Variants in HEXB observed in about 807,000 individuals in gnomAD.
HEXB encodes the protein beta-hexosaminidase subunit beta.
HEXB carries 51 observed loss-of-function variants against 71.2 expected under a neutral mutation model. The ratio of observed to expected loss-of-function variants is 0.72; its 90% CI spans 0.57 to 0.90. HEXB has a LOEUF of 0.90. HEXB is among the 40% of genes least tolerant of loss of function. HEXB has a pLI of 0.00. For missense variants in HEXB, 617 were observed against 677.0 expected, an observed-to-expected ratio of 0.91 and a Z score of 0.98; for synonymous variants, 266 against 249.3, an observed-to-expected ratio of 1.07 and a Z score of -0.63.
intron 1 of HEXB, among the ~76,000 whole-genome samples, chr5:74,672,294 A>C (rs1181706526): frequency 6.6e-6 from 1 of 152,208 alleles, no homozygotes; most frequent in Admixed American, 6.5e-5. Flanking sequence ...TAACCAGCAT[A>C]TCTTCAACAA....
chr5:74,689,840 G>T, intron 2 of HEXB: 1 of 203,870 alleles, frequency 4.9e-6, no homozygotes. Flanking sequence ...TGTGCTTCTT[G>T]TATTTTTGTT....
At chr5:74,644,383 G>C (rs1409323603) in intron 1 of HEXB, among the ~76,000 whole-genome samples, 4 of 152,210 alleles carry the variant, frequency 2.6e-5, no homozygotes, top group African/African-American at 4.8e-5. Context: ...AGCACACACA[G>C]AGGCTGGAGG....
Position 74,718,916 on chromosome 5 carries a change from T to A in HEXB, c.1362T>A (p.Ile454=), listed in dbSNP as rs552896059. The part of the protein sequence containing the change: ...ILSAPWYLDL[I]SYGQDWRKYY... The stretch of plus-strand genomic sequence containing the variant: ...CTGCTCCTTGGTACTTAGATTTGAT[T>A]AGCTATGGACAAGATTGGAGGAAAT... Residue 454 remains isoleucine (I), a synonymous_variant, in exon 11 of 14, where the codon ATT becomes ATA. Transcript: ENST00000261416. The A allele has an allele frequency of 5.6e-6, 9 of 1,614,100 alleles. No individual in the cohort carries two copies. Among genetic ancestry groups the A allele is most frequent in the Admixed American group, 5.0e-5 (3 of 60,014 alleles).
chr5:74,719,871 G>A (rs1561228583), intron 11 of HEXB: 1 of 157,066 alleles, frequency 6.4e-6, no homozygotes, highest in East Asian at 1.9e-4. Flanking sequence ...AACCCAGGAG[G>A]TGGAGGTTGC....
At chr5:74,683,045 T>A (rs1002937927), upstream of HEXB, among the ~76,000 whole-genome samples, 4 of 152,160 alleles carry the variant, frequency 2.6e-5, no homozygotes, top group Admixed American at 6.5e-5. Context: ...AAGGATATGA[T>A]CAACCTAATG....
chr5:74,643,615 C>T (rs753421818), intron 1 of HEXB, among the ~76,000 whole-genome samples: 1 of 152,278 alleles, frequency 6.6e-6, no homozygotes, highest in Non-Finnish European at 1.5e-5. Context: ...TGTTATCTCC[C>T]CTAACAATGT....
chr5:74,695,945 T>C (rs937512123), intron 3 of HEXB, among the ~76,000 whole-genome samples: 5 of 152,060 alleles, frequency 3.3e-5, no homozygotes, highest in African/African-American at 1.2e-4. Flanking sequence ...TTCAGAGTAA[T>C]GTACTCTAAA....
At chr5:74,688,260 A>AT (rs1310343860) in intron 1 of HEXB, among the ~76,000 whole-genome samples, 48 of 151,412 alleles carry the variant, frequency 3.2e-4, no homozygotes, top group Non-Finnish European at 6.5e-4. Context: ...TTAATATTTA[A>AT]TGCCTTTACA....
intron 3 of HEXB, among the ~76,000 whole-genome samples, chr5:74,695,708 G>A (rs1749097699): frequency 6.6e-6 from 1 of 151,152 alleles, no homozygotes; most frequent in African/African-American, 2.4e-5. Flanking sequence ...GGGCATGGTG[G>A]TGCACGCTTG....
chr5:74,703,214 A>G (rs11747101), intron 5 of HEXB, among the ~76,000 whole-genome samples: 15,972 of 152,272 alleles, frequency 0.1, 985 homozygotes, highest in East Asian at 0.14. Context: ...TGGCCTCCCA[A>G]AGTGCTGGGA....
intron 11 of HEXB, among the ~76,000 whole-genome samples, chr5:74,719,493 GT>G (rs1445721219): frequency 6.6e-6 from 1 of 152,132 alleles, no homozygotes; most frequent in Non-Finnish European, 1.5e-5. Flanking sequence ...AAACATTCTA[GT>G]TTGTCCAATT....
intron 1 of HEXB, among the ~76,000 whole-genome samples, chr5:74,650,590 G>T (rs1748083924): frequency 6.6e-6 from 1 of 152,118 alleles, no homozygotes. Flanking sequence ...GTGCCTCCAT[G>T]TGTAGTTACT....
intron 6 of HEXB, among the ~76,000 whole-genome samples, chr5:74,712,104 A>C (rs1368488220): frequency 2.4e-3 from 346 of 145,200 alleles, no homozygotes; most frequent in Non-Finnish European, 4.4e-3. Flanking sequence ...TGCAGCCATA[A>C]AAAATGATGA....
chr5:74,690,506 G>T (rs1220384174), intron 2 of HEXB, among the ~76,000 whole-genome samples: 6 of 151,888 alleles, frequency 4.0e-5, no homozygotes, highest in Admixed American at 3.9e-4. Context: ...CAAAAAGTTA[G>T]CCAAGCGTGT....
upstream of HEXB, among the ~76,000 whole-genome samples, chr5:74,682,052 G>A (rs1748747376): frequency 1.3e-5 from 2 of 152,214 alleles, no homozygotes. Flanking sequence ...AGCCATGCAA[G>A]TTAACTTAGA....
chr5:74,697,691 G>T (rs746823948), intron 5 of HEXB, among the ~76,000 whole-genome samples: 1 of 133,820 alleles, frequency 7.5e-6, no homozygotes, highest in Non-Finnish European at 1.5e-5. Context: ...TCGCACCACC[G>T]CACTCCAGCC....
At chr5:74,666,033 G>A (rs1228974232) in intron 1 of HEXB, among the ~76,000 whole-genome samples, 1 of 152,198 alleles carries the variant, frequency 6.6e-6, no homozygotes, top group African/African-American at 2.4e-5. Context: ...GAGTTGTACA[G>A]ATGCCAGATA....
chr5:74,700,472 T>C (rs2112148237), intron 5 of HEXB, among the ~76,000 whole-genome samples: 1 of 152,008 alleles, frequency 6.6e-6, no homozygotes, highest in African/African-American at 2.4e-5. Flanking sequence ...ATTTTTTATA[T>C]TTAAAAAAAA....
At chr5:74,669,636 C>G (rs901755177) in intron 1 of HEXB, among the ~76,000 whole-genome samples, 1 of 152,074 alleles carries the variant, frequency 6.6e-6, no homozygotes, top group African/African-American at 2.4e-5. Flanking sequence ...CTGTTTGCCT[C>G]TTCTTAAACC....
Sources: allele counts gnomAD v4.1 joint callset (sites outside exome capture counted in the v4.1 genomes callset), GRCh38; gene constraint gnomAD v4.1.1; transcripts MANE v1.5; gene names NCBI Gene and HGNC (gene_info 2026-07-23, HGNC 2026-07-21).